Variants in CDC7 observed in about 807,000 individuals in gnomAD.
CDC7 encodes cell division cycle 7-related protein kinase.
In CDC7, 34 loss-of-function variants were observed where a neutral mutation model predicts 53.5. That is an observed-to-expected ratio of 0.64 (90% CI 0.48 to 0.85). The LOEUF (loss-of-function observed/expected upper bound fraction) is 0.85, where lower values mean the gene tolerates loss of function less well. Ranked by LOEUF, CDC7 falls within the 40% of genes least tolerant of loss-of-function variation. CDC7 has a pLI of 0.00. For missense variants in CDC7, 594 were observed against 679.7 expected (o/e 0.87, Z 1.40); for synonymous variants, 211 against 222.8 (o/e 0.95, Z 0.47).
chr1:91,510,280 C>A (rs1312653334), intron 4 of CDC7, among the ~76,000 whole-genome samples: 1 of 151,248 alleles, frequency 6.6e-6, no homozygotes, highest in East Asian at 1.9e-4. Flanking sequence ...AAATTAGATT[C>A]TCCTATTTTT....
chr1:91,518,589 A>G (rs955699062), intron 10 of CDC7, among the ~76,000 whole-genome samples: 1 of 152,200 alleles, frequency 6.6e-6, no homozygotes, highest in African/African-American at 2.4e-5. Flanking sequence ...TTGCAACAAC[A>G]TGGATGGAAC....
rs755082058 is a variant in CDC7 at position 91,520,123 on chromosome 1, G to A, written c.1181-7G>A. ...AATTTATTTTTAAAATTTGTCTTCT[G>A]TTGCAGCAATTGACATGTGGTCTGC... On this transcript the variant is annotated splice_polypyrimidine_tract_variant and splice_region_variant and intron_variant, in intron 10 of 11. Coordinates refer to ENST00000234626, the MANE Select transcript of CDC7 (RefSeq NM_003503.4). 1 of 1,546,710 alleles carries A rather than the reference G, an allele frequency of 6.5e-7. No homozygotes were observed. The highest frequency in any genetic ancestry group is 2.3e-5 in the East Asian group (1 of 42,738).
At chr1:91,504,372 G>A (rs1666871876) in intron 2 of CDC7, among the ~76,000 whole-genome samples, 3 of 152,124 alleles carry the variant, frequency 2.0e-5, no homozygotes, top group African/African-American at 7.2e-5. Context: ...GCCTCCCAAT[G>A]CACTGGGATT....
chr1:91,507,944 TG>T lies in CDC7; in HGVS notation c.199+11del. On this transcript the variant is annotated splice_region_variant and intron_variant, in intron 3 of 11. Coordinates refer to ENST00000234626, the MANE Select transcript of CDC7 (RefSeq NM_003503.4). ...GAGGACAAAATTGGAGAAGGTAATC[TG>T]GGGATATGCTTTTACTATTTTTACG... The T allele has an allele frequency of 6.4e-7, 1 of 1,561,546 alleles. No individual in the cohort carries two copies. The highest frequency in any genetic ancestry group is 1.2e-5 in the South Asian group (1 of 81,644).
At chr1:91,501,911 A>G (rs932113438) in intron 2 of CDC7, 80 bp downstream of exon 2, 6 of 978,420 alleles carry the variant, frequency 6.1e-6, no homozygotes, top group African/African-American at 4.8e-5. Flanking sequence ...CTCTCAAAAA[A>G]TAAGATTGAA....
intron 2 of CDC7, among the ~76,000 whole-genome samples, chr1:91,507,496 C>T (rs992220786): frequency 1.3e-5 from 2 of 152,064 alleles, no homozygotes; most frequent in Non-Finnish European, 2.9e-5. Flanking sequence ...TCAAGAACAT[C>T]GCAATGTGTC....
At chr1:91,508,864 C>T (rs1459169566) in intron 4 of CDC7, among the ~76,000 whole-genome samples, 1 of 152,140 alleles carries the variant, frequency 6.6e-6, no homozygotes, top group Non-Finnish European at 1.5e-5. Context: ...CTTCCACCTG[C>T]TCCATCATTT....
At chr1:91,516,589 C>A (rs1667569277) in intron 10 of CDC7, among the ~76,000 whole-genome samples, 1 of 152,060 alleles carries the variant, frequency 6.6e-6, no homozygotes, top group East Asian at 1.9e-4. Flanking sequence ...ATAAAATAAC[C>A]TGTTGAGTAT....
In CDC7 at chr1:91,513,273, C is replaced by T. The variant is rs1009902962; in HGVS notation, c.788C>T (p.Ala263Val). The change falls in exon 7 of 12, where the codon GCA becomes GTA. Residue 263 changes from alanine to valine, a missense_variant. Ala to Val is a moderately conservative substitution (Grantham distance 64). Coordinates refer to ENST00000234626, the MANE Select transcript of CDC7 (RefSeq NM_003503.4). ...KASVKRPYTNAQIQIKQGKDG... is the reference protein window; with the variant it reads ...KASVKRPYTNVQIQIKQGKDG... ...TCTGTTAAAAGACCCTACACAAATG[C>T]ACAAATTCAGATTAAACAAGGAAAA... The T allele has an allele frequency of 2.5e-6, 4 of 1,613,098 alleles. No homozygotes were observed. The highest frequency in any genetic ancestry group is 1.3e-5 in the African/African-American group (1 of 74,850).
intron 2 of CDC7, among the ~76,000 whole-genome samples, chr1:91,507,056 A>G (rs890958355): frequency 6.6e-6 from 1 of 152,218 alleles, no homozygotes; most frequent in Non-Finnish European, 1.5e-5. Flanking sequence ...AAAAATCAGG[A>G]TAATCATTCC....
intron 10 of CDC7, among the ~76,000 whole-genome samples, chr1:91,519,187 G>T (rs532914872): frequency 1.4e-5 from 2 of 143,470 alleles, no homozygotes; most frequent in Non-Finnish European, 3.0e-5. Flanking sequence ...GAGGCAGGCA[G>T]ATCACTTGAG....
intron 10 of CDC7, among the ~76,000 whole-genome samples, chr1:91,519,042 CAG>C (rs1667758190): frequency 7.0e-6 from 1 of 142,328 alleles, no homozygotes; most frequent in Admixed American, 7.1e-5. Context: ...GCCTGGGTAA[CAG>C]AGCCAGACCC....
At chr1:91,516,884 G>A (rs569034156) in intron 10 of CDC7, among the ~76,000 whole-genome samples, 2 of 152,246 alleles carry the variant, frequency 1.3e-5, no homozygotes, top group East Asian at 1.9e-4. Flanking sequence ...GACCAACATG[G>A]TGAAACCCCA....
intron 9 of CDC7, 61 bp downstream of exon 9, chr1:91,515,058 CTT>C (rs1667487362): frequency 6.9e-7 from 1 of 1,455,086 alleles, no homozygotes. Flanking sequence ...ATTGCATTGA[CTT>C]GGGTGGATAA....
At position 91,508,358 on chromosome 1, in the gene CDC7, T is replaced by C. The variant is rs144536947; in HGVS notation, c.296T>C (p.Ile99Thr). ...CACTTGATTCCAACAAGTCATCCTATAAGAATTGCAGCTGAACTTCAGTGC... is the reference window on the plus strand; with the variant it reads ...CACTTGATTCCAACAAGTCATCCTACAAGAATTGCAGCTGAACTTCAGTGC... ...LKHLIPTSHP[I>T]RIAAELQCLT... is the part of the protein sequence containing the mutation. Residue 99 changes from isoleucine (I) to threonine (T), a missense_variant, in exon 4 of 12, where the codon ATA becomes ACA. Ile to Thr is a moderately conservative substitution (Grantham distance 89). Transcript: ENST00000234626. 16 of 1,612,354 alleles carry C rather than the reference T, an allele frequency of 9.9e-6. No homozygotes were observed. In the African/African-American group the frequency reaches 1.2e-4, roughly 12 times the overall value.
rs1042026557 is a variant in CDC7, at chr1:91,501,555, T to C, written c.-63-99T>C. On this transcript the variant is annotated intron_variant, in intron 1 of 11. Transcript: ENST00000234626. Reference sequence around the variant, plus strand: ...CTACTGTGGAGGTTTGGACACATCGTGCGTTTGAAAATGTTTGCCCCTTTG... The same window carrying C: ...CTACTGTGGAGGTTTGGACACATCGCGCGTTTGAAAATGTTTGCCCCTTTG... 7.7e-6 allele frequency: 5 copies of C among 648,690 alleles called. No homozygotes were observed. The African/African-American group carries it at 9.2e-5, about 12-fold the overall frequency. 40.2% of individuals were successfully genotyped at this position (648,690 alleles called of 1,614,324 possible).
chr1:91,518,412 A>G (rs778251762), intron 10 of CDC7, among the ~76,000 whole-genome samples: 3 of 152,174 alleles, frequency 2.0e-5, no homozygotes, highest in East Asian at 1.9e-4. Context: ...AAGGAAATCA[A>G]TGTACCGAAG....
intron 10 of CDC7, among the ~76,000 whole-genome samples, chr1:91,517,945 A>C (rs924999817): frequency 1.3e-5 from 2 of 151,986 alleles, no homozygotes; most frequent in Non-Finnish European, 2.9e-5. Context: ...AAAAGTACAA[A>C]AAATTAGCAG....
At chr1:91,502,308 A>G (rs1666731451) in intron 2 of CDC7, among the ~76,000 whole-genome samples, 1 of 152,238 alleles carries the variant, frequency 6.6e-6, no homozygotes, top group African/African-American at 2.4e-5. Flanking sequence ...CCTTAGGGTG[A>G]ATAAGACAGG....
Sources: gnomAD v4.1 joint callset for allele counts (sites outside exome capture counted in the v4.1 genomes callset) on GRCh38, gnomAD v4.1.1 for gene constraint, MANE v1.5 for transcripts, NCBI Gene and HGNC (gene_info 2026-07-23, HGNC 2026-07-21) for gene names.